FAM227B: variants seen among roughly 807,000 people sequenced by gnomAD.
FAM227B encodes protein FAM227B.
In FAM227B, 88 loss-of-function variants were observed where a neutral mutation model predicts 73.8. That is an observed-to-expected ratio of 1.19 (90% CI 1.00 to 1.42). The LOEUF (loss-of-function observed/expected upper bound fraction) is 1.42, where lower values mean the gene tolerates loss of function less well. Ranked by LOEUF, FAM227B falls within the 40% of genes most tolerant of loss-of-function variation. The pLI is 0.00. For missense variants in FAM227B, 632 were observed against 590.9 expected (o/e 1.07, Z -0.72); for synonymous variants, 210 against 190.5 (o/e 1.10, Z -0.84).
At chr15:49,403,434 T>A (rs900574410) in intron 11 of FAM227B, among the ~76,000 whole-genome samples, 5 of 152,198 alleles carry the variant, frequency 3.3e-5, no homozygotes, top group African/African-American at 1.2e-4. Flanking sequence ...TCGCCTTAAT[T>A]TCAGAACATG....
chr15:49,365,673 G>C, intron 13 of FAM227B: 1 of 993,532 alleles, frequency 1.0e-6, no homozygotes, highest in South Asian at 1.3e-5. Context: ...CACATGACTT[G>C]AAGCTGGCCA....
At chr15:49,519,408 C>G (rs2059622521) in intron 10 of FAM227B, among the ~76,000 whole-genome samples, 1 of 152,222 alleles carries the variant, frequency 6.6e-6, no homozygotes, top group Admixed American at 6.5e-5. Flanking sequence ...CCCTTTCACA[C>G]TGCCCTTGCA....
intron 10 of FAM227B, among the ~76,000 whole-genome samples, chr15:49,511,492 TG>T (rs2058995772): frequency 1.3e-5 from 2 of 152,128 alleles, no homozygotes; most frequent in African/African-American, 4.8e-5. Context: ...GGAACATGTG[TG>T]GATGTGCAGG....
At chr15:49,484,861 C>T (rs1168994040) in intron 11 of FAM227B, 1 of 161,360 alleles carries the variant, frequency 6.2e-6, no homozygotes, top group East Asian at 1.8e-4. Context: ...ATATTCCTAT[C>T]TGCTTATAAA....
chr15:49,535,459 C>A (rs982798406), intron 10 of FAM227B, among the ~76,000 whole-genome samples: 2 of 151,736 alleles, frequency 1.3e-5, no homozygotes, highest in African/African-American at 4.8e-5. Context: ...GAGCCCAACA[C>A]CAGATGGCTT....
At chr15:49,559,942 G>A (rs949855844) in intron 9 of FAM227B, among the ~76,000 whole-genome samples, 60 of 146,714 alleles carry the variant, frequency 4.1e-4, no homozygotes, top group African/African-American at 1.4e-3. Context: ...AGACTGTCTC[G>A]AAAAAAAAAA....
At chr15:49,459,405 C>T (rs2053591817) in intron 11 of FAM227B, among the ~76,000 whole-genome samples, 1 of 152,088 alleles carries the variant, frequency 6.6e-6, no homozygotes, top group Non-Finnish European at 1.5e-5. Flanking sequence ...TTTTCTGAAC[C>T]TCCTAGTCCA....
At chr15:49,349,239 C>G (rs954092795) in intron 13 of FAM227B, among the ~76,000 whole-genome samples, 2 of 152,200 alleles carry the variant, frequency 1.3e-5, no homozygotes, top group South Asian at 2.1e-4. Context: ...ACAATACTTA[C>G]AATACTCATA....
intron 11 of FAM227B, among the ~76,000 whole-genome samples, chr15:49,419,440 C>T (rs540489703): frequency 2.0e-5 from 3 of 152,294 alleles, no homozygotes; most frequent in East Asian, 3.9e-4. Context: ...TTTCCCTCAA[C>T]CTTTCCTTTC....
At chr15:49,335,214 T>C (rs2039495722) in intron 14 of FAM227B, among the ~76,000 whole-genome samples, 1 of 152,140 alleles carries the variant, frequency 6.6e-6, no homozygotes, top group Non-Finnish European at 1.5e-5. Context: ...GCTTCCTTCC[T>C]TTCTTCTGTC....
intron 13 of FAM227B, among the ~76,000 whole-genome samples, chr15:49,359,224 C>G (rs1251814496): frequency 7.0e-6 from 1 of 143,876 alleles, no homozygotes; most frequent in Non-Finnish European, 1.5e-5. Flanking sequence ...CAACAAAAGA[C>G]AAAATTGACA....
chr15:49,556,674 G>C (rs1432731228), intron 9 of FAM227B, among the ~76,000 whole-genome samples: 1 of 151,984 alleles, frequency 6.6e-6, no homozygotes, highest in Non-Finnish European at 1.5e-5. Context: ...TGACAGACAG[G>C]GGGCACTCAG....
chr15:49,360,789 TTAAC>T (rs2044087143), intron 13 of FAM227B, among the ~76,000 whole-genome samples: 1 of 152,222 alleles, frequency 6.6e-6, no homozygotes, highest in Non-Finnish European at 1.5e-5. Flanking sequence ...TTAGTGTACA[TTAAC>T]TAGTAAACAA....
At chr15:49,534,215 T>G (rs942246135) in intron 10 of FAM227B, among the ~76,000 whole-genome samples, 1 of 151,730 alleles carries the variant, frequency 6.6e-6, no homozygotes, top group Admixed American at 6.6e-5. Context: ...CCTCTGCAGG[T>G]AGAGCCCAAA....
At chr15:49,545,266 A>T (rs11070704) in intron 9 of FAM227B, among the ~76,000 whole-genome samples, 49,406 of 151,828 alleles carry the variant, frequency 0.33, 8,763 homozygotes, top group African/African-American at 0.45. Flanking sequence ...TCTCCTGTAG[A>T]TTTTGTAATT....
At chr15:49,432,832 C>T (rs1230208188) in intron 11 of FAM227B, among the ~76,000 whole-genome samples, 1 of 151,452 alleles carries the variant, frequency 6.6e-6, no homozygotes, top group East Asian at 1.9e-4. Flanking sequence ...GAGTTCTGAG[C>T]AGATTTATAG....
rs1248611447 is a variant in FAM227B at position 49,408,280 on chromosome 15, C to T, written c.1013-36881G>A. On this transcript the variant is annotated intron_variant, in intron 11 of 15. Transcript: ENST00000299338. ...TACTTTCTTCTAGCATCAAGTGCTG[C>T]CTAATGATATAATCTGATGCCAATC... Among the ~76,000 whole-genome samples, 3 of 152,154 alleles carry T rather than the reference C, an allele frequency of 2.0e-5. No individual in the cohort carries two copies. In the East Asian group the frequency reaches 5.8e-4, roughly 29 times the overall value.
chr15:49,507,522 C>T (rs2058669843), intron 11 of FAM227B, among the ~76,000 whole-genome samples: 1 of 151,990 alleles, frequency 6.6e-6, no homozygotes, highest in Non-Finnish European at 1.5e-5. Context: ...GAGCATTAGA[C>T]TTATGTTTGG....
intron 5 of FAM227B, among the ~76,000 whole-genome samples, chr15:49,584,576 C>T (rs34605270): frequency 0.12 from 18,986 of 152,146 alleles, 1,480 homozygotes; most frequent in East Asian, 0.36. Flanking sequence ...AGTCATACTA[C>T]CCTGTTTTCA....
Sources: allele counts gnomAD v4.1 joint callset (sites outside exome capture counted in the v4.1 genomes callset), GRCh38; gene constraint gnomAD v4.1.1; transcripts MANE v1.5; gene names NCBI Gene and HGNC (gene_info 2026-07-23, HGNC 2026-07-21).